The following GAS2L1 variants were observed in gnomAD, a reference collection of about 807,000 sequenced individuals.
GAS2L1 encodes growth arrest specific 2 like 1, also known as GAS2-like protein 1.
A neutral mutation model predicts 44.0 loss-of-function variants in GAS2L1; 26 were observed. The ratio of observed to expected loss-of-function variants is 0.59; its 90% CI spans 0.43 to 0.82. GAS2L1 has a LOEUF of 0.82. Ranked by LOEUF, GAS2L1 falls within the 40% of genes least tolerant of loss-of-function variation. GAS2L1 has a pLI of 0.00. For missense variants in GAS2L1, 1,006 were observed against 983.0 expected (o/e 1.02, Z -0.31); for synonymous variants, 426 against 415.9 (o/e 1.02, Z -0.30).
intron 1 of GAS2L1, 196 bp from the exon 3 acceptor site, chr22:29,310,242 CA>C (rs1400782855): frequency 0.11 from 19,454 of 184,734 alleles, no homozygotes; most frequent in Middle Eastern, 0.15. Flanking sequence ...AACTCCAACT[CA>C]AAAAAAAAAA....
rs1734009082 is a variant in GAS2L1, at chr22:29,311,909, C to T, written c.1458C>T (p.Ser486=). The change falls in exon 5 of 5, where the codon TCC becomes TCT. Residue 486 remains serine (S), a synonymous_variant. Coordinates refer to ENST00000618518, the Ensembl canonical transcript of GAS2L1. ...GCAGCCCTGCAGCACCCCGGCTTTC[C>T]CGGGTCTCCAGCCCCAGTCCAGAGT... 1.9e-6 allele frequency: 3 copies of T among 1,602,366 alleles called. 1 individual carries two copies. The East Asian group carries it at 6.7e-5, about 36-fold the overall frequency.
exon 4 of GAS2L1, chr22:29,310,954 C>T (rs375963140): frequency 5.0e-6 from 8 of 1,613,542 alleles, no homozygotes; most frequent in South Asian, 2.2e-5. Context: ...AGATGACTCC[C>T]GTTAGCTTAC....
At chr22:29,311,689 G>A (rs1226964914) in exon 5 of GAS2L1, 3 of 1,518,764 alleles carry the variant, frequency 2.0e-6, no homozygotes, top group Non-Finnish European at 2.6e-6. Flanking sequence ...GATCGCGGCC[G>A]GCCCCGGGGG....
chr22:29,308,946 G>A (rs947014608), intron 1 of GAS2L1, among the ~76,000 whole-genome samples: 1 of 152,240 alleles, frequency 6.6e-6, no homozygotes, highest in African/African-American at 2.4e-5. Flanking sequence ...GGGAGATGAC[G>A]CAGCCCAGCC....
intron 4 of GAS2L1, 134 bp downstream of exon 5, chr22:29,311,132 G>C: frequency 1.2e-6 from 1 of 846,464 alleles, no homozygotes; most frequent in South Asian, 1.8e-5. Context: ...GGGCGGGCCT[G>C]GCTTCCCATC....
chr22:29,308,597 T>A, exon 1 of GAS2L1: 4 of 1,599,070 alleles, frequency 2.5e-6, no homozygotes, highest in Non-Finnish European at 3.4e-6. Flanking sequence ...AGCAGGAGAT[T>A]GAGCGGGAGC....
Position 29,311,694 on chromosome 22 carries a change from CG to C in GAS2L1, c.1249del (p.Ala417ProfsTer122), listed in dbSNP as rs2147904193. On this transcript the variant is annotated frameshift_variant, in exon 5 of 5. Coordinates refer to ENST00000618518, the Ensembl canonical transcript of GAS2L1. LOFTEE classifies it high-confidence loss of function. ...AGACCGGCTGGATCGCGGCCGGCCC[CG>C]GGGGGCCCCAGGAGGCAGGGGAGCC... The C allele has an allele frequency of 2.0e-6, 3 of 1,524,680 alleles. No homozygotes were observed. The highest frequency in any genetic ancestry group is 1.8e-6 in the Non-Finnish European group (2 of 1,141,190). The allele number at this position is 1,524,680 out of a possible 1,614,324, so 94.4% of individuals were successfully genotyped here. A position where few individuals can be genotyped will look rare whatever the true frequency, so the allele number is the denominator to read the frequency against.
chr22:29,310,401 C>T, intron 1 of GAS2L1, 38 bp from the exon 3 acceptor site: 1 of 1,168,574 alleles, frequency 8.6e-7, no homozygotes, highest in African/African-American at 1.5e-5. Flanking sequence ...AGGAGGAGGA[C>T]TTGACCTCTG....
In GAS2L1 at chr22:29,312,575, C is replaced by T. The variant is rs533105806; in HGVS notation, c.*78C>T. The T allele has an allele frequency of 3.3e-5, 37 of 1,114,138 alleles. No individual in the cohort carries two copies. In the African/African-American group the frequency reaches 5.0e-4, roughly 15 times the overall value. 69.0% of individuals were successfully genotyped at this position (1,114,138 alleles called of 1,614,324 possible). A position where few individuals can be genotyped will look rare whatever the true frequency, so the allele number is the denominator to read the frequency against. ...CCTTAACCCTTCTGCATCAGGGAGC[C>T]CCCTCTGCCTCTTGAGTACCAGACC... On this transcript the variant is annotated 3_prime_UTR_variant, in exon 5 of 5. Coordinates refer to ENST00000618518, the Ensembl canonical transcript of GAS2L1.
At chr22:29,311,396 C>T (rs915713602) in intron 4 of GAS2L1, 66 bp from the exon 6 acceptor site, 6 of 670,354 alleles carry the variant, frequency 9.0e-6, no homozygotes, top group South Asian at 3.7e-5. Flanking sequence ...TGTTCCTCTC[C>T]CTGCCTGTTC....
exon 2 of GAS2L1, chr22:29,310,507 G>A: frequency 6.2e-7 from 1 of 1,611,952 alleles, no homozygotes; most frequent in African/African-American, 1.3e-5. Context: ...CAGAGGGGAA[G>A]TACCGTGTGG....
At position 29,312,021 on chromosome 22, in the gene GAS2L1, GAGTT is replaced by G; in HGVS notation, c.1571_1574del (p.Glu524AlafsTer14). 6.2e-7 allele frequency: 1 copy of G among 1,612,158 alleles called. No homozygotes were observed. The highest frequency in any genetic ancestry group is 1.3e-5 in the African/African-American group (1 of 75,070). On this transcript the variant is annotated frameshift_variant, in exon 5 of 5. Coordinates refer to ENST00000618518, the Ensembl canonical transcript of GAS2L1. LOFTEE classifies it high-confidence loss of function. ...GCAGCTGTTCCGGCGCCTGGAAGAGGAGTTCCTGGCCAATGCCCGGGCCCTTGAG... is the reference window on the plus strand; with the variant it reads ...GCAGCTGTTCCGGCGCCTGGAAGAGGCCTGGCCAATGCCCGGGCCCTTGAG...
At chr22:29,312,199 C>T (rs776973092) in exon 5 of GAS2L1, 2 of 1,613,098 alleles carry the variant, frequency 1.2e-6, no homozygotes, top group Middle Eastern at 1.6e-4. Context: ...CCTGGGGACT[C>T]TGGCCGGACG....
intron 4 of GAS2L1, chr22:29,311,245 G>GAC: frequency 1.7e-6 from 1 of 589,582 alleles, no homozygotes; most frequent in South Asian, 2.1e-5. Context: ...CTGGGAAGGG[G>GAC]GGTGTCTAGA....
exon 5 of GAS2L1, chr22:29,311,654 G>A (rs925886090): frequency 1.9e-5 from 29 of 1,531,360 alleles, no homozygotes; most frequent in Non-Finnish European, 2.5e-5. Flanking sequence ...CTCCTGCCCT[G>A]CGCAGCCAGT....
At chr22:29,308,590 A>AGGAGATTGAGCG in exon 1 of GAS2L1, 1 of 1,599,544 alleles carries the variant, frequency 6.3e-7, no homozygotes, top group Non-Finnish European at 8.5e-7. Context: ...CAGTTTGAGC[A>AGGAGATTGAGCG]GGAGATTGAG....
exon 5 of GAS2L1, chr22:29,312,243 C>T (rs372966099): frequency 5.1e-5 from 82 of 1,612,796 alleles, no homozygotes; most frequent in Non-Finnish European, 6.5e-5. Context: ...AAGCCAAGCC[C>T]TTTCCAGCTC....
chr22:29,310,937 C>A (rs61737776), exon 4 of GAS2L1: 1 of 1,613,616 alleles, frequency 6.2e-7, no homozygotes, highest in Non-Finnish European at 8.5e-7. Context: ...CCGGGGCTCC[C>A]GGCCTGAGAT....
At chr22:29,310,928 C>G (rs371349829) in exon 4 of GAS2L1, 1 of 1,613,732 alleles carries the variant, frequency 6.2e-7, no homozygotes, top group Non-Finnish European at 8.5e-7. Flanking sequence ...GAGTGAGCGC[C>G]GGGGCTCCCG....
Sources: gnomAD v4.1 joint callset for allele counts (sites outside exome capture counted in the v4.1 genomes callset) on GRCh38, gnomAD v4.1.1 for gene constraint, MANE v1.5 for transcripts, NCBI Gene and HGNC (gene_info 2026-07-23, HGNC 2026-07-21) for gene names.